Variants in VEPH1 observed in about 807,000 individuals in gnomAD.
VEPH1 encodes ventricular zone expressed PH domain containing 1.
In VEPH1, 80 loss-of-function variants were observed where a neutral mutation model predicts 85.2. That is an observed-to-expected ratio of 0.94 (90% CI 0.78 to 1.13). VEPH1 has a LOEUF of 1.13. VEPH1 is among the 50% of genes most tolerant of loss of function. The pLI is 0.00. For synonymous variants in VEPH1, 297 were observed against 348.0 expected, an observed-to-expected ratio of 0.85 and a Z score of 1.63; for missense variants, 955 against 980.5, an observed-to-expected ratio of 0.97 and a Z score of 0.35.
At chr3:157,304,932 T>C (rs1719291262) in intron 11 of VEPH1, among the ~76,000 whole-genome samples, 1 of 152,056 alleles carries the variant, frequency 6.6e-6, no homozygotes, top group Admixed American at 6.5e-5. Context: ...GTGTTTCATA[T>C]CATTAAACAT....
At chr3:157,355,946 C>T (rs1267310109) in intron 9 of VEPH1, among the ~76,000 whole-genome samples, 1 of 150,216 alleles carries the variant, frequency 6.7e-6, no homozygotes, top group Non-Finnish European at 1.5e-5. Flanking sequence ...GTCACCCAGG[C>T]TGAAGGGCAG....
intron 12 of VEPH1, among the ~76,000 whole-genome samples, chr3:157,284,397 C>T (rs953739399): frequency 1.3e-5 from 2 of 152,132 alleles, no homozygotes; most frequent in Non-Finnish European, 2.9e-5. Flanking sequence ...TCACCTAATG[C>T]AACAAACATG....
chr3:157,283,911 C>T (rs1220814818), intron 12 of VEPH1, among the ~76,000 whole-genome samples: 4 of 152,148 alleles, frequency 2.6e-5, no homozygotes, highest in African/African-American at 9.7e-5. Context: ...ACCCCTTCTC[C>T]CTGAGGCTGA....
chr3:157,408,872 G>A, intron 6 of VEPH1, among the ~76,000 whole-genome samples: 1 of 152,112 alleles, frequency 6.6e-6, no homozygotes, highest in East Asian at 1.9e-4. Flanking sequence ...GGGGAATGAA[G>A]TAGACTGGAC....
chr3:157,352,805 T>C (rs898661787), intron 9 of VEPH1, among the ~76,000 whole-genome samples: 5 of 152,202 alleles, frequency 3.3e-5, no homozygotes, highest in African/African-American at 9.6e-5. Context: ...TTAAAAGTTA[T>C]CCAGCCCAGT....
chr3:157,437,630 G>T lies in VEPH1; in HGVS notation c.530-9142C>A, dbSNP rs148943471. 4 of 1,555,522 alleles carry T rather than the reference G, an allele frequency of 2.6e-6. No homozygotes were observed. In the South Asian group the frequency reaches 3.5e-5, roughly 14 times the overall value. ...CAAGCCACGGACGACGTCCTGCGGGGCGAGCTGCAGAGGCTGCGGGAGGAG... is the reference window on the plus strand; with the variant it reads ...CAAGCCACGGACGACGTCCTGCGGGTCGAGCTGCAGAGGCTGCGGGAGGAG... On this transcript the variant is annotated intron_variant, in intron 4 of 13. Coordinates refer to ENST00000362010, the MANE Select transcript of VEPH1 (RefSeq NM_001167912.2).
intron 2 of VEPH1, among the ~76,000 whole-genome samples, chr3:157,478,015 G>C (rs1259948815): frequency 6.6e-6 from 1 of 152,156 alleles, no homozygotes; most frequent in African/African-American, 2.4e-5. Flanking sequence ...TAGTGGACAT[G>C]ATGATACATT....
intron 4 of VEPH1, among the ~76,000 whole-genome samples, chr3:157,448,585 C>T (rs1734722455): frequency 6.6e-6 from 1 of 152,118 alleles, no homozygotes; most frequent in Admixed American, 6.5e-5. Context: ...GAAAGATATG[C>T]TAACTTGTGC....
chr3:157,275,714 A>G (rs1715305998), intron 12 of VEPH1, among the ~76,000 whole-genome samples: 1 of 152,220 alleles, frequency 6.6e-6, no homozygotes. Flanking sequence ...GAACTGAGAA[A>G]AAGTATAGTA....
chr3:157,437,460 C>T, intron 4 of VEPH1: 1 of 1,561,320 alleles, frequency 6.4e-7, no homozygotes, highest in Non-Finnish European at 8.7e-7. Context: ...TTACAAAGCA[C>T]ATCCAAGGCA....
At chr3:157,442,335 T>C (rs769273541) in intron 4 of VEPH1, 23 of 1,501,506 alleles carry the variant, frequency 1.5e-5, no homozygotes, top group Non-Finnish European at 2.1e-5. Flanking sequence ...ATATTTTCTT[T>C]AATATTCTTC....
At chr3:157,483,774 T>C (rs940617876) in intron 2 of VEPH1, among the ~76,000 whole-genome samples, 40 of 152,280 alleles carry the variant, frequency 2.6e-4, no homozygotes, top group African/African-American at 9.6e-4. Flanking sequence ...AGGGCGATGA[T>C]TTTGTCTGTT....
intron 2 of VEPH1, among the ~76,000 whole-genome samples, chr3:157,485,839 C>T (rs1738572625): frequency 6.6e-6 from 1 of 151,776 alleles, no homozygotes; most frequent in Non-Finnish European, 1.5e-5. Context: ...ATTTCTACTC[C>T]AAAGAAAACA....
intron 2 of VEPH1, among the ~76,000 whole-genome samples, chr3:157,473,326 C>T (rs1024137484): frequency 2.6e-5 from 4 of 151,978 alleles, no homozygotes; most frequent in Non-Finnish European, 5.9e-5. Context: ...CCTGCCTTGG[C>T]CTCCCAAAGT....
intron 5 of VEPH1, 31 bp from the exon 6 acceptor site, chr3:157,414,121 A>T (rs1193633001): frequency 6.6e-7 from 1 of 1,505,220 alleles, no homozygotes; most frequent in Non-Finnish European, 9.1e-7. Context: ...AGGAGGGAAG[A>T]AAGAAGGAAG....
intron 4 of VEPH1, among the ~76,000 whole-genome samples, chr3:157,429,719 A>G (rs916978463): frequency 1.3e-5 from 2 of 152,226 alleles, no homozygotes; most frequent in African/African-American, 4.8e-5. Flanking sequence ...TTATTTTACT[A>G]TGAGCGTCTC....
At chr3:157,357,343 A>G (rs1374104577) in intron 9 of VEPH1, among the ~76,000 whole-genome samples, 1 of 152,238 alleles carries the variant, frequency 6.6e-6, no homozygotes, top group Admixed American at 6.5e-5. Flanking sequence ...ATCTCCATAC[A>G]AAATGTCCTA....
At chr3:157,455,976 T>C (rs1311024292) in intron 4 of VEPH1, among the ~76,000 whole-genome samples, 1 of 151,972 alleles carries the variant, frequency 6.6e-6, no homozygotes, top group Non-Finnish European at 1.5e-5. Context: ...TGTAGTTCTG[T>C]TTTTAGGTTT....
intron 9 of VEPH1, among the ~76,000 whole-genome samples, chr3:157,332,693 G>A (rs756840026): frequency 9.2e-5 from 14 of 152,154 alleles, no homozygotes; most frequent in Non-Finnish European, 1.9e-4. Flanking sequence ...GAATAGTGCA[G>A]CTATGAACAT....
Sources: gnomAD v4.1 joint callset for allele counts (sites outside exome capture counted in the v4.1 genomes callset) on GRCh38, gnomAD v4.1.1 for gene constraint, MANE v1.5 for transcripts, NCBI Gene and HGNC (gene_info 2026-07-23, HGNC 2026-07-21) for gene names.